The following AKAP12 variants were observed in gnomAD, a reference collection of about 807,000 sequenced individuals.
AKAP12 encodes the protein A-kinase anchoring protein 12, also known as A-kinase anchor protein 12.
In AKAP12, 32 loss-of-function variants were observed where a neutral mutation model predicts 79.9. The ratio of observed to expected loss-of-function variants is 0.40; its 90% CI spans 0.30 to 0.54. The LOEUF (loss-of-function observed/expected upper bound fraction) is 0.54, where lower values mean the gene tolerates loss of function less well. Among genes scored for constraint, AKAP12 ranks in the 20% least tolerant of loss-of-function variants. The pLI, the probability that AKAP12 is intolerant of heterozygous loss-of-function variation, is 0.48. For missense variants in AKAP12, 2,074 were observed against 2,177.0 expected (o/e 0.95, Z 0.94); for synonymous variants, 808 against 857.0 (o/e 0.94, Z 1.00).
intron 3 of AKAP12, 80 bp downstream of exon 3, chr6:151,305,983 C>G: frequency 7.0e-7 from 1 of 1,436,806 alleles, no homozygotes; most frequent in Non-Finnish European, 9.4e-7. Context: ...CTCTGTCATA[C>G]TGCCTGGTGG....
At chr6:151,271,280 T>G (rs1776175949) in intron 2 of AKAP12, among the ~76,000 whole-genome samples, 1 of 152,046 alleles carries the variant, frequency 6.6e-6, no homozygotes, top group Non-Finnish European at 1.5e-5. Flanking sequence ...AATATATCCC[T>G]ACATTCTTCT....
At chr6:151,244,183 C>T (rs769829132) in intron 2 of AKAP12, among the ~76,000 whole-genome samples, 2 of 152,034 alleles carry the variant, frequency 1.3e-5, no homozygotes, top group South Asian at 2.1e-4. Context: ...TAGAAGAGTC[C>T]GTTGTCTGAC....
intron 2 of AKAP12, among the ~76,000 whole-genome samples, chr6:151,298,597 C>A (rs1288970540): frequency 6.6e-6 from 1 of 151,864 alleles, no homozygotes; most frequent in Admixed American, 6.6e-5. Flanking sequence ...AGTTCGAGAC[C>A]AACCTGACCA....
chr6:151,353,871 A>G (rs939646849), intron 4 of AKAP12, 119 bp downstream of exon 4: 4 of 651,640 alleles, frequency 6.1e-6, no homozygotes, highest in Admixed American at 6.4e-5. Context: ...TCAGTTGAGG[A>G]AAATAACTAT....
chr6:151,242,546 A>G (rs1408159121), intron 2 of AKAP12, among the ~76,000 whole-genome samples: 1 of 152,230 alleles, frequency 6.6e-6, no homozygotes, highest in Non-Finnish European at 1.5e-5. Flanking sequence ...TTTCATTTGA[A>G]CTAGCCAAAT....
intron 2 of AKAP12, among the ~76,000 whole-genome samples, chr6:151,268,875 C>T (rs1376833837): frequency 1.3e-5 from 2 of 150,504 alleles, no homozygotes; most frequent in African/African-American, 4.9e-5. Context: ...GACTCCTGTC[C>T]TCAAGCGATC....
At chr6:151,249,299 C>T (rs1797132394) in intron 2 of AKAP12, among the ~76,000 whole-genome samples, 1 of 152,200 alleles carries the variant, frequency 6.6e-6, no homozygotes. Flanking sequence ...CAGCCACTTA[C>T]TATTCAATCT....
intron 3 of AKAP12, among the ~76,000 whole-genome samples, chr6:151,306,645 C>T (rs1776984607): frequency 6.6e-6 from 1 of 152,114 alleles, no homozygotes; most frequent in Non-Finnish European, 1.5e-5. Context: ...AGGGAAAAGT[C>T]CTTTCACAGG....
At chr6:151,273,939 G>A (rs1255723878) in intron 2 of AKAP12, among the ~76,000 whole-genome samples, 1 of 152,048 alleles carries the variant, frequency 6.6e-6, no homozygotes, top group Non-Finnish European at 1.5e-5. Context: ...TGAGGCAGGA[G>A]ACTCGCATGA....
chr6:151,279,216 A>G (rs1776349959), intron 2 of AKAP12, among the ~76,000 whole-genome samples: 1 of 152,150 alleles, frequency 6.6e-6, no homozygotes, highest in Admixed American at 6.5e-5. Flanking sequence ...TAGTGTTTTA[A>G]AAGATTGTAT....
intron 3 of AKAP12, among the ~76,000 whole-genome samples, chr6:151,326,632 T>A (rs1298225452): frequency 6.6e-6 from 1 of 152,214 alleles, no homozygotes. Context: ...AGAATGCTCT[T>A]ACAGCTCCTC....
At chr6:151,259,287 C>A (rs532055429) in intron 2 of AKAP12, among the ~76,000 whole-genome samples, 43 of 151,616 alleles carry the variant, frequency 2.8e-4, no homozygotes, top group Non-Finnish European at 4.4e-4. Flanking sequence ...CTCAGGTAAT[C>A]CACCCACCTT....
At chr6:151,282,066 C>T (rs867317909) in intron 2 of AKAP12, among the ~76,000 whole-genome samples, 1 of 151,208 alleles carries the variant, frequency 6.6e-6, no homozygotes, top group African/African-American at 2.4e-5. Context: ...CCTGTTCCCG[C>T]TCTCAGCTGC....
chr6:151,268,070 C>T (rs1776086734), intron 2 of AKAP12, among the ~76,000 whole-genome samples: 1 of 152,178 alleles, frequency 6.6e-6, no homozygotes, highest in African/African-American at 2.4e-5. Flanking sequence ...TCTTTTCCTT[C>T]TAAGCTGGAT....
At chr6:151,317,853 G>A (rs756324822) in intron 3 of AKAP12, among the ~76,000 whole-genome samples, 2 of 152,214 alleles carry the variant, frequency 1.3e-5, no homozygotes, top group Admixed American at 1.3e-4. Context: ...ACACAAAGCA[G>A]TAGCTAGAGA....
chr6:151,303,219 C>CT (rs1288742061), intron 2 of AKAP12, among the ~76,000 whole-genome samples: 1 of 152,090 alleles, frequency 6.6e-6, no homozygotes, highest in Non-Finnish European at 1.5e-5. Context: ...AAGAAATACT[C>CT]TGACATTTTT....
Position 151,351,334 on chromosome 6 carries a change from T to G in AKAP12, c.2943T>G (p.Thr981=). 1 of 1,614,156 alleles carries G rather than the reference T, an allele frequency of 6.2e-7. No homozygotes were observed. ...LTPEAVTAAE[T]AGPLGAEEGT... ...CCGAAGCTGTGACAGCTGCAGAAACTGCAGGGCCATTGGGTGCCGAAGAAG... is the reference window on the plus strand; with the variant it reads ...CCGAAGCTGTGACAGCTGCAGAAACGGCAGGGCCATTGGGTGCCGAAGAAG... The change falls in exon 4 of 5, where the codon ACT becomes ACG. Residue 981 remains threonine, a synonymous_variant. Transcript: ENST00000402676. The surrounding 1 kb of genome is among the most constrained non-coding windows in gnomAD (Gnocchi z 4.4).
intron 3 of AKAP12, chr6:151,324,864 C>G (rs1218569303): frequency 1.0e-6 from 1 of 985,318 alleles, no homozygotes; most frequent in Non-Finnish European, 1.2e-6. Flanking sequence ...TTGAAGTATT[C>G]TAGGGCTGCC....
chr6:151,318,980 A>AT (rs1469341935), intron 3 of AKAP12, among the ~76,000 whole-genome samples: 9 of 152,152 alleles, frequency 5.9e-5, no homozygotes, highest in East Asian at 5.8e-4. Context: ...TTTCTGGGAA[A>AT]TTTTTTTACA....
Sources: gnomAD v4.1 joint callset for allele counts (sites outside exome capture counted in the v4.1 genomes callset) on GRCh38, gnomAD v4.1.1 for gene constraint, Gnocchi (gnomAD v3.1) non-coding constraint, MANE v1.5 for transcripts, NCBI Gene and HGNC (gene_info 2026-07-23, HGNC 2026-07-21) for gene names.